Variants in GRK5 observed in about 807,000 individuals in gnomAD.
GRK5 encodes G protein-coupled receptor kinase 5.
Under a neutral mutation model 78.4 loss-of-function variants are expected in GRK5, and 40 were observed. That is an observed-to-expected ratio of 0.51 (90% CI 0.40 to 0.66). The LOEUF (loss-of-function observed/expected upper bound fraction) is 0.66. GRK5 is among the 30% of genes least tolerant of loss of function. The pLI, the probability that GRK5 is intolerant of heterozygous loss-of-function variation, is 0.00. For missense variants in GRK5, 598 were observed against 759.9 expected, an observed-to-expected ratio of 0.79 and a Z score of 2.50; for synonymous variants, 289 against 296.8, an observed-to-expected ratio of 0.97 and a Z score of 0.27.
In GRK5 at chr10:119,400,434, G is replaced by T. The variant is rs554616838; in HGVS notation, c.339+3662G>T. On this transcript the variant is annotated intron_variant, in intron 4 of 15. Coordinates refer to ENST00000392870, the MANE Select transcript of GRK5 (RefSeq NM_005308.3). ...AGATACTTGTAATTGGCAGAATTGT[G>T]GGGGAGGGAAGTGCTCCTAGCATCT... 1.1e-3 allele frequency among the ~76,000 whole-genome samples: 164 copies of T among 152,310 alleles called. 1 individual carries two copies. The highest frequency in any genetic ancestry group is 3.8e-3 in the African/African-American group (159 of 41,556).
chr10:119,452,842 TG>T lies in GRK5; in HGVS notation c.1542+37del. On this transcript the variant is annotated intron_variant, in intron 14 of 15. Transcript: ENST00000392870. This position sits in a 1 kb window ranked among gnomAD's most constrained non-coding sequence, Gnocchi z 4.4. Reference sequence around the variant, plus strand: ...GGCAGACCACTTGCTTTGGTCTGGGTGGGAGGGAGGGACTGACGGGTGGAAG... The same window carrying T: ...GGCAGACCACTTGCTTTGGTCTGGGTGGAGGGAGGGACTGACGGGTGGAAG... 7.7e-6 allele frequency: 4 copies of T among 521,162 alleles called. No homozygotes were observed. Among genetic ancestry groups the T allele is most frequent in the Non-Finnish European group, 1.5e-5 (4 of 260,044 alleles). 32.3% of individuals were successfully genotyped at this position (521,162 alleles called of 1,614,324 possible). A position where few individuals can be genotyped will look rare whatever the true frequency, so the allele number is the denominator to read the frequency against.
intron 1 of GRK5, among the ~76,000 whole-genome samples, chr10:119,246,471 A>G (rs1175706201): frequency 6.6e-6 from 1 of 152,166 alleles, no homozygotes; most frequent in Non-Finnish European, 1.5e-5. Context: ...CAAATCATGT[A>G]AATTTTATAA....
At chr10:119,326,254 G>A (rs1383195008) in intron 1 of GRK5, among the ~76,000 whole-genome samples, 2 of 152,248 alleles carry the variant, frequency 1.3e-5, no homozygotes, top group African/African-American at 2.4e-5. Flanking sequence ...GATGCCTGGT[G>A]TGGGTGGGGT....
At chr10:119,332,055 T>C (rs940573671) in intron 2 of GRK5, among the ~76,000 whole-genome samples, 7 of 152,220 alleles carry the variant, frequency 4.6e-5, no homozygotes. Context: ...TGTGCTTCTT[T>C]GTTAATACTT....
At chr10:119,420,644 T>C (rs1040747064) in intron 4 of GRK5, among the ~76,000 whole-genome samples, 1 of 151,680 alleles carries the variant, frequency 6.6e-6, no homozygotes, top group Non-Finnish European at 1.5e-5. Context: ...AGTGGTGTGA[T>C]CATGACTCAC....
At chr10:119,301,896 C>A (rs1328397475) in intron 1 of GRK5, among the ~76,000 whole-genome samples, 1 of 152,238 alleles carries the variant, frequency 6.6e-6, no homozygotes, top group Non-Finnish European at 1.5e-5. Context: ...GGATTCCCGG[C>A]AGCCACTGCC....
chr10:119,262,987 C>G (rs114462569), intron 1 of GRK5, among the ~76,000 whole-genome samples: 2 of 152,142 alleles, frequency 1.3e-5, no homozygotes, highest in Non-Finnish European at 2.9e-5. Context: ...ATATTTCTTA[C>G]TATATCTCTT....
At position 119,430,524 on chromosome 10, in the gene GRK5, C is replaced by G. The variant is rs1852794035; in HGVS notation, c.597+86C>G. 1.6e-6 allele frequency: 2 copies of G among 1,253,532 alleles called. No homozygotes were observed. Among genetic ancestry groups the G allele is most frequent in the African/African-American group, 1.5e-5 (1 of 66,414 alleles). The allele number at this position is 1,253,532 out of a possible 1,614,324, so 77.7% of individuals were successfully genotyped here. On this transcript the variant is annotated intron_variant, in intron 7 of 15. Transcript: ENST00000392870. This position sits in a 1 kb window ranked among gnomAD's most constrained non-coding sequence, Gnocchi z 4.5. ...CTTCTAAATCAACCTAAAGGGTTGG[C>G]CCACGGGTCCCCCGGGGGCACCAGT...
intron 4 of GRK5, among the ~76,000 whole-genome samples, chr10:119,404,933 G>T (rs549736470): frequency 6.6e-6 from 1 of 152,342 alleles, no homozygotes; most frequent in Admixed American, 6.5e-5. Flanking sequence ...AGAAGAGGCT[G>T]GTCCAGAATG....
intron 4 of GRK5, among the ~76,000 whole-genome samples, chr10:119,418,085 C>T (rs1051683249): frequency 6.6e-6 from 1 of 152,190 alleles, no homozygotes; most frequent in East Asian, 1.9e-4. Flanking sequence ...GAGCTCTGTC[C>T]GATCTGCCCG....
chr10:119,291,555 T>TTCCTCCTCC lies in GRK5; in HGVS notation c.53-34955_53-34947dup, dbSNP rs1428958504. 4.6e-3 allele frequency among the ~76,000 whole-genome samples: 531 copies of TTCCTCCTCC among 114,710 alleles called. 2 individuals carry two copies. The highest frequency in any genetic ancestry group is 5.5e-3 in the Non-Finnish European group (292 of 53,368). 75.3% of individuals were successfully genotyped at this position (114,710 alleles called of 152,430 possible). On this transcript the variant is annotated intron_variant, in intron 1 of 15. Coordinates refer to ENST00000392870, the MANE Select transcript of GRK5 (RefSeq NM_005308.3). ...CCTCCTCCTCTTCCTCCTCCTCCTC[T>TTCCTCCTCC]TCCTCCTCCTCCTCTTCCTCCTCCT... is the stretch of plus-strand genomic sequence containing the variant.
intron 2 of GRK5, among the ~76,000 whole-genome samples, chr10:119,350,795 A>G (rs1357676165): frequency 6.6e-6 from 1 of 152,230 alleles, no homozygotes; most frequent in African/African-American, 2.4e-5. Context: ...CTCTGTTGAC[A>G]GTCTACTTCC....
At chr10:119,330,642 C>A (rs1850759830) in intron 2 of GRK5, among the ~76,000 whole-genome samples, 1 of 152,116 alleles carries the variant, frequency 6.6e-6, no homozygotes, top group Admixed American at 6.6e-5. Flanking sequence ...CACCTCTCCC[C>A]TGAGACACAG....
chr10:119,332,258 T>C (rs1050545015), intron 2 of GRK5, among the ~76,000 whole-genome samples: 1 of 151,994 alleles, frequency 6.6e-6, no homozygotes, highest in Non-Finnish European at 1.5e-5. Flanking sequence ...AAACGTGCAC[T>C]ACCATGCCCA....
At chr10:119,250,941 G>A (rs1392484533) in intron 1 of GRK5, among the ~76,000 whole-genome samples, 1 of 152,202 alleles carries the variant, frequency 6.6e-6, no homozygotes, top group East Asian at 1.9e-4. Context: ...CTCTCCTATC[G>A]AGGGCCTTTG....
chr10:119,304,284 CTTTTTTTTT>C (rs59740732), intron 1 of GRK5, among the ~76,000 whole-genome samples: 1 of 75,042 alleles, frequency 1.3e-5, no homozygotes, highest in Admixed American at 1.7e-4. Context: ...GTGTGAGCTG[CTTTTTTTTT>C]TTTTTTTTTT....
At chr10:119,281,461 T>C (rs1003487420) in intron 1 of GRK5, among the ~76,000 whole-genome samples, 1 of 152,204 alleles carries the variant, frequency 6.6e-6, no homozygotes, top group Non-Finnish European at 1.5e-5. Context: ...CCAGAAGTGG[T>C]GATGGCTCGT....
chr10:119,376,344 A>G (rs976084193), intron 2 of GRK5, among the ~76,000 whole-genome samples: 2 of 152,258 alleles, frequency 1.3e-5, no homozygotes, highest in African/African-American at 4.8e-5. Context: ...TGGGTATAAG[A>G]TGTGTCCCTT....
In GRK5 at chr10:119,271,709, G is replaced by T. The variant is rs1353722646; in HGVS notation, c.53-54807G>T. 6.6e-6 allele frequency among the ~76,000 whole-genome samples: 1 copy of T among 152,222 alleles called. No homozygotes were observed. The highest frequency in any genetic ancestry group is 1.9e-4 in the East Asian group (1 of 5,200). On this transcript the variant is annotated intron_variant, in intron 1 of 15. Coordinates refer to ENST00000392870, the MANE Select transcript of GRK5 (RefSeq NM_005308.3). The surrounding 1 kb of genome is among the most constrained non-coding windows in gnomAD (Gnocchi z 4.1). ...ACTCGTCAGGGAAAAACAGGTGTGT[G>T]AGCACTAGGTTGGTGACGAGGTTTA...
Sources: gnomAD v4.1 joint callset for allele counts (sites outside exome capture counted in the v4.1 genomes callset) on GRCh38, gnomAD v4.1.1 for gene constraint, Gnocchi (gnomAD v3.1) non-coding constraint, MANE v1.5 for transcripts, NCBI Gene and HGNC (gene_info 2026-07-23, HGNC 2026-07-21) for gene names.